GRID2IP: variants seen among roughly 807,000 people sequenced by gnomAD.
GRID2IP encodes Grid2 interacting protein, also known as delphilin.
GRID2IP carries 78 observed loss-of-function variants against 114.3 expected under a neutral mutation model. The observed-to-expected ratio is 0.68, with a 90% confidence interval of 0.57 to 0.82. GRID2IP has a LOEUF of 0.82. Ranked by LOEUF, GRID2IP falls within the 40% of genes least tolerant of loss-of-function variation. The probability of loss-of-function intolerance (pLI) is 0.00; values close to 1 mark genes in which losing one functional copy is unlikely to be tolerated. For synonymous variants in GRID2IP, 809 were observed against 724.0 expected (o/e 1.12, Z -1.89); for missense variants, 1,727 against 1,678.5 (o/e 1.03, Z -0.51).
At chr7:6,540,609 C>T (rs994856706) in intron 1 of GRID2IP, among the ~76,000 whole-genome samples, 3 of 151,548 alleles carry the variant, frequency 2.0e-5, no homozygotes, top group Non-Finnish European at 4.4e-5. Flanking sequence ...CAACCTCCGC[C>T]TCCCAAGTTC....
chr7:6,522,911 C>T (rs983612882), intron 4 of GRID2IP, among the ~76,000 whole-genome samples: 5 of 151,952 alleles, frequency 3.3e-5, no homozygotes, highest in African/African-American at 1.2e-4. Context: ...GTGATCCGCC[C>T]GCCTTGGCCT....
At chr7:6,514,269 GCAAA>G (rs1779247036) in intron 8 of GRID2IP, 102 bp downstream of exon 8, 2 of 1,069,878 alleles carry the variant, frequency 1.9e-6, no homozygotes, top group Admixed American at 6.6e-5. Context: ...AAACAAACAA[GCAAA>G]CAAACACCTT....
At chr7:6,540,107 C>A in intron 1 of GRID2IP, among the ~76,000 whole-genome samples, 1 of 149,306 alleles carries the variant, frequency 6.7e-6, no homozygotes, top group Non-Finnish European at 1.5e-5. Flanking sequence ...CCCTCCCCTC[C>A]CCTCCCTTCC....
intron 14 of GRID2IP, among the ~76,000 whole-genome samples, chr7:6,505,277 A>T (rs1786543552): frequency 1.3e-5 from 2 of 151,824 alleles, no homozygotes; most frequent in South Asian, 4.1e-4. Flanking sequence ...GGGGGTGATC[A>T]CATTATGTAC....
rs1779660302 is a variant in GRID2IP, at chr7:6,532,927, T to G, written c.585-6158A>C. Among the ~76,000 whole-genome samples the G allele has an allele frequency of 6.6e-6, 1 of 152,152 alleles. No homozygotes were observed. The highest frequency in any genetic ancestry group is 1.5e-5 in the Non-Finnish European group (1 of 68,022). On this transcript the variant is annotated intron_variant, in intron 2 of 21. Coordinates refer to ENST00000457091, the MANE Select transcript of GRID2IP (RefSeq NM_001145118.2). This position sits in a 1 kb window ranked among gnomAD's most constrained non-coding sequence, Gnocchi z 4.4. Reference sequence around the variant, plus strand: ...TGTGGCCAGGTGACCCAGGGCAGCATGAGGTGGTCACCCAGTCACTAGGTG... The same window carrying G: ...TGTGGCCAGGTGACCCAGGGCAGCAGGAGGTGGTCACCCAGTCACTAGGTG...
intron 4 of GRID2IP, among the ~76,000 whole-genome samples, chr7:6,522,162 C>T (rs758921869): frequency 5.3e-5 from 8 of 152,084 alleles, no homozygotes; most frequent in Non-Finnish European, 1.0e-4. Context: ...CCAGCTTGGG[C>T]AACATAGCGA....
In GRID2IP at chr7:6,516,459, CAA is replaced by C. The variant is rs966426327; in HGVS notation, c.1269-1932_1269-1931del. On this transcript the variant is annotated intron_variant, in intron 7 of 21. Transcript: ENST00000457091. This position sits in a 1 kb window ranked among gnomAD's most constrained non-coding sequence, Gnocchi z 4.3. ...CTGAAGGGACACGGTGAGAAGTGAC[CAA>C]AAGACAAGAGTGTGAGCCCTCCGTT... 4.0e-5 allele frequency among the ~76,000 whole-genome samples: 6 copies of C among 151,842 alleles called. No homozygotes were observed. The highest frequency in any genetic ancestry group is 9.7e-5 in the African/African-American group (4 of 41,352).
chr7:6,516,670 T>G lies in GRID2IP; in HGVS notation c.1269-2141A>C, dbSNP rs935491635. 7.2e-5 allele frequency among the ~76,000 whole-genome samples: 11 copies of G among 152,248 alleles called. No individual in the cohort carries two copies. The highest frequency in any genetic ancestry group is 1.3e-4 in the Non-Finnish European group (9 of 68,036). The stretch of plus-strand genomic sequence containing the variant: ...CAGAGGCCTAACGCTGTCCCTGTGA[T>G]GCTGTGCTTCAGTGGTCACGCTCCT... On this transcript the variant is annotated intron_variant, in intron 7 of 21. Transcript: ENST00000457091. The surrounding 1 kb of genome is among the most constrained non-coding windows in gnomAD (Gnocchi z 4.3).
At chr7:6,505,985 G>T in intron 13 of GRID2IP, 78 bp from the exon 14 acceptor site, 1 of 988,474 alleles carries the variant, frequency 1.0e-6, no homozygotes, top group Non-Finnish European at 1.6e-6. Flanking sequence ...ACCCTCTGAG[G>T]GCTGCCATAG....
rs1212579758 is a variant in GRID2IP at position 6,510,936 on chromosome 7, G to A, written c.1527C>T (p.Ser509=). 6.5e-7 allele frequency: 1 copy of A among 1,549,314 alleles called. No homozygotes were observed. Among genetic ancestry groups the A allele is most frequent in the Non-Finnish European group, 8.7e-7 (1 of 1,145,836 alleles). Residue 509 remains serine, a synonymous_variant, in exon 9 of 22, where the codon TCC becomes TCT. Transcript: ENST00000457091. ...ASSMCRRSLR[S]QGLEAGLSCG... is the part of the protein sequence containing the mutation. ...AGCTGAGGCCGGCCTCCAGGCCCTGGGACCGGAGGCTGCGGCGGCACATGG... is the reference window on the plus strand; with the variant it reads ...AGCTGAGGCCGGCCTCCAGGCCCTGAGACCGGAGGCTGCGGCGGCACATGG...
Position 6,508,231 on chromosome 7 carries a change from G to T in GRID2IP, c.2298C>A (p.Asp766Glu), listed in dbSNP as rs982046532. Residue 766 changes from aspartate (D) to glutamate (E), a missense_variant, in exon 13 of 22, where the codon GAC (aspartate) becomes GAA (glutamate). By Grantham distance (45) the Asp-to-Glu change is conservative (BLOSUM62 2). Transcript: ENST00000457091. This position sits in a 1 kb window ranked among gnomAD's most constrained non-coding sequence, Gnocchi z 5.6. ...CAGAGCTGCGGGAGCTGGGCTTAGC[G>T]TCATGGAAAGGCAGGGGTGGCGGTG... Reference protein sequence around the residue: ...PPPPPPLPFHDAKPSSRSSDG... With the variant: ...PPPPPPLPFHEAKPSSRSSDG... 27 of 1,395,226 alleles carry T rather than the reference G, an allele frequency of 1.9e-5. No homozygotes were observed. The Admixed American group carries it at 2.5e-4, about 13-fold the overall frequency. 86.4% of individuals were successfully genotyped at this position (1,395,226 alleles called of 1,614,324 possible).
intron 1 of GRID2IP, 126 bp downstream of exon 1, chr7:6,550,882 T>G: frequency 1.8e-6 from 2 of 1,107,868 alleles, no homozygotes; most frequent in South Asian, 9.2e-5. Context: ...CATTCCCATA[T>G]TTCTGTTAAA....
At position 6,504,616 on chromosome 7, in the gene GRID2IP, C is replaced by T. The variant is rs12702519; in HGVS notation, c.2710+177G>A. Among the ~76,000 whole-genome samples the T allele has an allele frequency of 0.85, 129,122 of 152,076 alleles. 55,566 individuals carry two copies. Among genetic ancestry groups the T allele is most frequent in the Non-Finnish European group, 0.91 (61,745 of 67,984 alleles). On this transcript the variant is annotated intron_variant, in intron 15 of 21. Coordinates refer to ENST00000457091, the MANE Select transcript of GRID2IP (RefSeq NM_001145118.2). ...AGACAGTGAGGGTGGGGCCAGCACC[C>T]GCGCCCAGATGGGATCTGGCTGGCT...
rs149732496 is a variant in GRID2IP at position 6,526,988 on chromosome 7, C to T, written c.585-219G>A. Among the ~76,000 whole-genome samples the T allele has an allele frequency of 5.9e-5, 9 of 152,278 alleles. No homozygotes were observed. In the East Asian group the frequency reaches 1.2e-3, roughly 20 times the overall value. ...CCCAGCTAGGACTTGGCGTCCTGCT[C>T]GCTTCACCTCGGGAATGGCCCGTTC... On this transcript the variant is annotated intron_variant, in intron 2 of 21. Coordinates refer to ENST00000457091, the MANE Select transcript of GRID2IP (RefSeq NM_001145118.2). This position sits in a 1 kb window ranked among gnomAD's most constrained non-coding sequence, Gnocchi z 7.6.
chr7:6,548,357 A>C (rs897095320), intron 1 of GRID2IP, among the ~76,000 whole-genome samples: 1 of 152,066 alleles, frequency 6.6e-6, no homozygotes, highest in Non-Finnish European at 1.5e-5. Flanking sequence ...CTCCAAAAAA[A>C]ATAAATACAA....
chr7:6,531,141 C>G (rs1779613944), intron 2 of GRID2IP: 1 of 511,860 alleles, frequency 2.0e-6, no homozygotes, highest in Non-Finnish European at 3.5e-6. Context: ...TGCCGAAGGG[C>G]AGGGGGTAGC....
chr7:6,534,979 A>G lies in GRID2IP; in HGVS notation c.584+4739T>C, dbSNP rs191927452. On this transcript the variant is annotated intron_variant, in intron 2 of 21. Coordinates refer to ENST00000457091, the MANE Select transcript of GRID2IP (RefSeq NM_001145118.2). The surrounding 1 kb of genome is among the most constrained non-coding windows in gnomAD (Gnocchi z 4.5). ...CGGCTCACTGCAATCTCCGCCTCCC[A>G]GGTTCAAGCGATGCTCCTGCCTCAG... 4.6e-5 allele frequency among the ~76,000 whole-genome samples: 7 copies of G among 152,234 alleles called. No individual in the cohort carries two copies. Among genetic ancestry groups the G allele is most frequent in the African/African-American group, 1.7e-4 (7 of 41,530 alleles).
At chr7:6,542,995 C>G (rs1779835684) in intron 1 of GRID2IP, among the ~76,000 whole-genome samples, 1 of 152,256 alleles carries the variant, frequency 6.6e-6, no homozygotes, top group South Asian at 2.1e-4. Flanking sequence ...CAACTTCAGC[C>G]TGAACTGGGG....
In GRID2IP at chr7:6,503,474, G is replaced by A; in HGVS notation, c.2907+17C>T. The A allele has an allele frequency of 2.0e-6, 3 of 1,513,488 alleles. No homozygotes were observed. Among genetic ancestry groups the A allele is most frequent in the East Asian group, 2.6e-5 (1 of 38,818 alleles). The allele number at this position is 1,513,488 out of a possible 1,614,324, so 93.8% of individuals were successfully genotyped here. ...GGAGCCGGCCGAGGCCTCGGGGCGG[G>A]GTTGTGGTCGCGGCACCTGCAGGAC... On this transcript the variant is annotated intron_variant, in intron 16 of 21. Coordinates refer to ENST00000457091, the MANE Select transcript of GRID2IP (RefSeq NM_001145118.2).
Sources: gnomAD v4.1 joint callset for allele counts (sites outside exome capture counted in the v4.1 genomes callset) on GRCh38, gnomAD v4.1.1 for gene constraint, Gnocchi (gnomAD v3.1) non-coding constraint, MANE v1.5 for transcripts, NCBI Gene and HGNC (gene_info 2026-07-23, HGNC 2026-07-21) for gene names.